The following ABCB1 variants were observed in gnomAD, a reference collection of about 807,000 sequenced individuals.
ABCB1 encodes ATP-dependent translocase ABCB1.
ABCB1 carries 69 observed loss-of-function variants against 142.0 expected under a neutral mutation model. That is an observed-to-expected ratio of 0.49 (90% confidence interval 0.40 to 0.59). The LOEUF (loss-of-function observed/expected upper bound fraction) is 0.59, where lower values mean the gene tolerates loss of function less well. ABCB1 is among the 20% of genes least tolerant of loss of function. ABCB1 has a pLI of 0.00. For synonymous variants in ABCB1, 532 were observed against 539.2 expected (o/e 0.99, Z 0.18); for missense variants, 1,326 against 1,554.7 (o/e 0.85, Z 2.47).
At chr7:87,589,089 G>A (rs980130466) in intron 3 of ABCB1, among the ~76,000 whole-genome samples, 1 of 152,120 alleles carries the variant, frequency 6.6e-6, no homozygotes. Context: ...TAGAGAGAAG[G>A]GGGTGAGAAG....
upstream of ABCB1, among the ~76,000 whole-genome samples, chr7:87,601,557 A>C (rs991205710): frequency 2.0e-5 from 3 of 152,270 alleles, no homozygotes; most frequent in Non-Finnish European, 2.9e-5. Flanking sequence ...TAGTAAAATA[A>C]ACATAGCATG....
chr7:87,713,140 G>T (rs971410243), intron 1 of ABCB1: 1 of 152,104 alleles, frequency 6.6e-6, no homozygotes, highest in Non-Finnish European at 1.5e-5. Context: ...CAAACAATTA[G>T]AAAGAGTATT....
chr7:87,609,866 A>AT (rs1444754861), intron 1 of ABCB1, among the ~76,000 whole-genome samples: 4 of 152,170 alleles, frequency 2.6e-5, no homozygotes, highest in Admixed American at 6.5e-5. Flanking sequence ...GAAAAAAAAA[A>AT]TGTGAAGGAA....
intron 1 of ABCB1, among the ~76,000 whole-genome samples, chr7:87,646,657 C>T (rs1301216009): frequency 6.6e-6 from 1 of 151,948 alleles, no homozygotes; most frequent in Non-Finnish European, 1.5e-5. Flanking sequence ...AGATTGTGTG[C>T]TTTTTATTTA....
chr7:87,535,150 C>T (rs1318790060), intron 20 of ABCB1, among the ~76,000 whole-genome samples: 1 of 152,060 alleles, frequency 6.6e-6, no homozygotes, highest in Non-Finnish European at 1.5e-5. Context: ...CAGACTCCTT[C>T]TATGCTTGCC....
intron 1 of ABCB1, among the ~76,000 whole-genome samples, chr7:87,641,456 G>T (rs1822444472): frequency 6.6e-6 from 1 of 152,146 alleles, no homozygotes; most frequent in African/African-American, 2.4e-5. Context: ...CCTACAGTTT[G>T]CTCCTGGCCT....
intron 19 of ABCB1, among the ~76,000 whole-genome samples, chr7:87,538,464 C>G (rs561677498): frequency 6.6e-6 from 1 of 152,248 alleles, no homozygotes; most frequent in Admixed American, 6.5e-5. Context: ...TGAATGCCCT[C>G]TAGAAAGCCT....
intron 5 of ABCB1, among the ~76,000 whole-genome samples, chr7:87,568,102 CAAA>C (rs113381867): frequency 1.7e-5 from 2 of 114,618 alleles, no homozygotes; most frequent in Admixed American, 9.4e-5. Context: ...GACTCCATCT[CAAA>C]AAAAAAAAAA....
At chr7:87,507,053 G>A (rs1814783800) in intron 26 of ABCB1, among the ~76,000 whole-genome samples, 1 of 152,194 alleles carries the variant, frequency 6.6e-6, no homozygotes, top group Admixed American at 6.5e-5. Flanking sequence ...AGGCAGTGCG[G>A]CAGTCTTACA....
In ABCB1 at chr7:87,537,791, AT is replaced by A. The variant is rs1816361775; in HGVS notation, c.2398-1251del. On this transcript the variant is annotated intron_variant, in intron 19 of 27. Coordinates refer to ENST00000622132, the MANE Select transcript of ABCB1 (RefSeq NM_001348946.2). ...TAAGATTTTCTTTGTAAAACCATTT[AT>A]ATTTTTAAATACACAGATACTAACA... Among the ~76,000 whole-genome samples the A allele has an allele frequency of 2.0e-5, 3 of 152,346 alleles. No individual in the cohort carries two copies. In the South Asian group the frequency reaches 6.2e-4, roughly 32 times the overall value.
chr7:87,545,934 T>G lies in ABCB1; in HGVS notation c.1816A>C (p.Ile606Leu), dbSNP rs749574370. ...TCATCATGATTTCCTTTCTCCACAA[T>G]GACTCCATCATCGAAACCAGCGATG... Reference protein sequence around the residue: ...DVIAGFDDGVIVEKGNHDELM... With the variant: ...DVIAGFDDGVLVEKGNHDELM... Residue 606 changes from isoleucine (I) to leucine (L), a missense_variant, in exon 15 of 28, where the codon ATT becomes CTT. Transcript: ENST00000622132. The G allele has an allele frequency of 2.5e-6, 4 of 1,614,076 alleles. No individual in the cohort carries two copies. Among genetic ancestry groups the G allele is most frequent in the Non-Finnish European group, 3.4e-6 (4 of 1,180,030 alleles).
chr7:87,656,930 G>A (rs1190275890), intron 1 of ABCB1, among the ~76,000 whole-genome samples: 1 of 152,062 alleles, frequency 6.6e-6, no homozygotes, highest in Admixed American at 6.6e-5. Context: ...TGTTGTAAGT[G>A]CTGGGCATAC....
At chr7:87,694,768 A>C (rs1828349385) in intron 1 of ABCB1, among the ~76,000 whole-genome samples, 1 of 152,182 alleles carries the variant, frequency 6.6e-6, no homozygotes, top group African/African-American at 2.4e-5. Context: ...GGAAAAAACA[A>C]AACGTTTGTT....
intron 2 of ABCB1, among the ~76,000 whole-genome samples, chr7:87,596,631 A>G (rs1052769126): frequency 5.3e-5 from 8 of 152,110 alleles, no homozygotes; most frequent in Non-Finnish European, 8.8e-5. Context: ...AAGAAAAACT[A>G]TTTTAGAAAA....
At chr7:87,532,198 A>G (rs1816085378) in intron 20 of ABCB1, among the ~76,000 whole-genome samples, 1 of 152,112 alleles carries the variant, frequency 6.6e-6, no homozygotes, top group South Asian at 2.1e-4. Flanking sequence ...TCACTCTATA[A>G]TTTAGTCCAG....
At chr7:87,654,954 T>C (rs1038214516) in intron 1 of ABCB1, among the ~76,000 whole-genome samples, 7 of 152,168 alleles carry the variant, frequency 4.6e-5, no homozygotes, top group African/African-American at 1.7e-4. Context: ...AAAATCACTA[T>C]ACAGCAAATA....
At chr7:87,675,241 C>A (rs1826209043) in intron 1 of ABCB1, among the ~76,000 whole-genome samples, 1 of 152,210 alleles carries the variant, frequency 6.6e-6, no homozygotes, top group Admixed American at 6.5e-5. Context: ...ACTCTAAATG[C>A]CTTCCCTCCA....
At chr7:87,553,542 G>C (rs370085627) in intron 9 of ABCB1, among the ~76,000 whole-genome samples, 1 of 151,918 alleles carries the variant, frequency 6.6e-6, no homozygotes, top group Non-Finnish European at 1.5e-5. Flanking sequence ...GGATGGTCTC[G>C]ATCTCCTGAC....
chr7:87,698,275 C>T (rs1021339666), intron 1 of ABCB1, among the ~76,000 whole-genome samples: 1 of 151,952 alleles, frequency 6.6e-6, no homozygotes, highest in Non-Finnish European at 1.5e-5. Flanking sequence ...AATTTCTTTG[C>T]ACTTTTAGTA....
Sources: allele counts gnomAD v4.1 joint callset (sites outside exome capture counted in the v4.1 genomes callset), GRCh38; gene constraint gnomAD v4.1.1; transcripts MANE v1.5; gene names NCBI Gene and HGNC (gene_info 2026-07-23, HGNC 2026-07-21).